Variants in AUTS2 observed in about 807,000 individuals in gnomAD.
AUTS2 encodes the protein activator of transcription and developmental regulator AUTS2.
A neutral mutation model predicts 112.4 loss-of-function variants in AUTS2; 17 were observed. That is an observed-to-expected ratio of 0.15 (90% CI 0.10 to 0.23). AUTS2 has a LOEUF of 0.23. AUTS2 is among the 10% of genes least tolerant of loss of function. AUTS2 has a pLI of 1.00. For synonymous variants in AUTS2, 751 were observed against 702.7 expected (o/e 1.07, Z -1.09); for missense variants, 1,510 against 1,701.6 (o/e 0.89, Z 1.98).
intron 4 of AUTS2, 107 bp downstream of exon 4, chr7:70,134,678 G>A: frequency 1.9e-6 from 2 of 1,026,782 alleles, no homozygotes; most frequent in Admixed American, 3.6e-5. Context: ...TTCTCTCTCA[G>A]TCCTAAAGAG....
At chr7:70,670,496 G>A (rs1807578940) in intron 5 of AUTS2, among the ~76,000 whole-genome samples, 1 of 152,186 alleles carries the variant, frequency 6.6e-6, no homozygotes, top group African/African-American at 2.4e-5. Flanking sequence ...TCTTGCCGTC[G>A]AGTTGAGCAG....
chr7:70,443,059 C>T (rs1296776786), intron 5 of AUTS2, among the ~76,000 whole-genome samples: 4 of 152,156 alleles, frequency 2.6e-5, no homozygotes, highest in Non-Finnish European at 1.5e-5. Context: ...AATTACTTCA[C>T]TTATACTGAA....
At chr7:70,185,994 A>G (rs894361412) in intron 4 of AUTS2, among the ~76,000 whole-genome samples, 3 of 152,250 alleles carry the variant, frequency 2.0e-5, no homozygotes, top group African/African-American at 7.2e-5. Context: ...CAAAAGAAAT[A>G]TGGTCCATTT....
At chr7:69,731,674 G>T (rs1786800275) in intron 1 of AUTS2, among the ~76,000 whole-genome samples, 1 of 152,144 alleles carries the variant, frequency 6.6e-6, no homozygotes, top group Non-Finnish European at 1.5e-5. Flanking sequence ...GCTTCAAGAG[G>T]TTGTTCCCTT....
intron 2 of AUTS2, among the ~76,000 whole-genome samples, chr7:69,925,667 C>G (rs576370204): frequency 6.6e-6 from 1 of 152,214 alleles, no homozygotes; most frequent in East Asian, 1.9e-4. Flanking sequence ...TTCAAGTGAT[C>G]CTCTCATATC....
chr7:69,603,920 A>C (rs1792570883), intron 1 of AUTS2, among the ~76,000 whole-genome samples: 1 of 152,188 alleles, frequency 6.6e-6, no homozygotes, highest in African/African-American at 2.4e-5. Flanking sequence ...TGTGTCTATT[A>C]GGAAGCCACG....
chr7:69,810,207 C>T (rs1488693967), intron 1 of AUTS2, among the ~76,000 whole-genome samples: 3 of 152,136 alleles, frequency 2.0e-5, no homozygotes, highest in East Asian at 1.9e-4. Flanking sequence ...CTAAGAGTGC[C>T]GGCGTCAGAG....
intron 5 of AUTS2, among the ~76,000 whole-genome samples, chr7:70,519,733 G>C (rs936212608): frequency 1.3e-5 from 2 of 152,194 alleles, no homozygotes; most frequent in African/African-American, 2.4e-5. Context: ...TAGAGCAGTT[G>C]TGACTTGCCT....
chr7:69,701,155 A>G (rs2129188157), intron 1 of AUTS2, among the ~76,000 whole-genome samples: 1 of 152,248 alleles, frequency 6.6e-6, no homozygotes, highest in South Asian at 2.1e-4. Context: ...TGCCTCATCT[A>G]GTAGTTGTGA....
At chr7:70,361,074 G>T (rs990779355) in intron 4 of AUTS2, among the ~76,000 whole-genome samples, 1 of 152,140 alleles carries the variant, frequency 6.6e-6, no homozygotes, top group Non-Finnish European at 1.5e-5. Flanking sequence ...GGCCAGGCGC[G>T]GTGGCTCACG....
At chr7:70,687,338 T>G (rs2129545932) in intron 5 of AUTS2, among the ~76,000 whole-genome samples, 1 of 152,360 alleles carries the variant, frequency 6.6e-6, no homozygotes, top group East Asian at 1.9e-4. Flanking sequence ...ATGAGATACC[T>G]ACAGCCAATT....
intron 5 of AUTS2, among the ~76,000 whole-genome samples, chr7:70,548,929 C>A (rs1585287486): frequency 7.0e-6 from 1 of 143,692 alleles, no homozygotes; most frequent in African/African-American, 2.6e-5. Context: ...TTTCTACCCC[C>A]CCCCCAAAAA....
chr7:70,198,566 C>T (rs1463938478), intron 4 of AUTS2, among the ~76,000 whole-genome samples: 6 of 122,016 alleles, frequency 4.9e-5, no homozygotes, highest in African/African-American at 1.9e-4. Flanking sequence ...GGAGCCGATG[C>T]GATCAACTGG....
chr7:69,658,857 A>G (rs1453927525), intron 1 of AUTS2, among the ~76,000 whole-genome samples: 1 of 152,274 alleles, frequency 6.6e-6, no homozygotes, highest in Non-Finnish European at 1.5e-5. Context: ...AATGATAGCA[A>G]TTACCAAATG....
At chr7:70,360,693 C>A (rs541050792) in intron 4 of AUTS2, among the ~76,000 whole-genome samples, 15 of 152,218 alleles carry the variant, frequency 9.9e-5, no homozygotes, top group African/African-American at 3.6e-4. Flanking sequence ...ATTTCTCTTC[C>A]CTGGCACCCT....
intron 2 of AUTS2, among the ~76,000 whole-genome samples, chr7:70,001,199 C>T (rs1799176008): frequency 1.3e-5 from 2 of 152,098 alleles, no homozygotes; most frequent in African/African-American, 4.8e-5. Flanking sequence ...GATCTCAGCT[C>T]ACTGCAGCCT....
intron 5 of AUTS2, among the ~76,000 whole-genome samples, chr7:70,510,489 A>ATT (rs1799137786): frequency 6.6e-6 from 1 of 152,188 alleles, no homozygotes; most frequent in Admixed American, 6.5e-5. Flanking sequence ...CAGGTACCCA[A>ATT]GGGGGATCCC....
intron 5 of AUTS2, among the ~76,000 whole-genome samples, chr7:70,664,572 G>T (rs1474493565): frequency 2.0e-5 from 3 of 152,142 alleles, no homozygotes; most frequent in Non-Finnish European, 2.9e-5. Flanking sequence ...TGTGGCCATT[G>T]TTCTTTCTGA....
intron 5 of AUTS2, among the ~76,000 whole-genome samples, chr7:70,610,937 C>A (rs1016133881): frequency 6.6e-6 from 1 of 152,086 alleles, no homozygotes; most frequent in Admixed American, 6.5e-5. Context: ...TTCATAAGTT[C>A]TCTTCACTCT....
Sources: allele counts gnomAD v4.1 joint callset (sites outside exome capture counted in the v4.1 genomes callset), GRCh38; gene constraint gnomAD v4.1.1; transcripts MANE v1.5; gene names NCBI Gene and HGNC (gene_info 2026-07-23, HGNC 2026-07-21).